The following DARS1 variants were observed in gnomAD, a reference collection of about 807,000 sequenced individuals.
DARS1 encodes the protein aspartyl-tRNA synthetase 1.
In DARS1, 51 loss-of-function variants were observed where a neutral mutation model predicts 68.8. The observed-to-expected ratio is 0.74, with a 90% CI of 0.59 to 0.94. The LOEUF (loss-of-function observed/expected upper bound fraction) is 0.94. Ranked by LOEUF, DARS1 falls within the 40% of genes least tolerant of loss-of-function variation. The pLI is 0.00. For missense variants in DARS1, 607 were observed against 597.3 expected (o/e 1.02, Z -0.17); for synonymous variants, 203 against 190.4 (o/e 1.07, Z -0.55).
chr2:135,966,644 G>T (rs1385746460), intron 3 of DARS1, among the ~76,000 whole-genome samples: 1 of 152,128 alleles, frequency 6.6e-6, no homozygotes, highest in Non-Finnish European at 1.5e-5. Context: ...TGATTCTCCT[G>T]CCTCAGTCTC....
At chr2:135,968,322 T>A (rs1359039538) in intron 3 of DARS1, among the ~76,000 whole-genome samples, 2 of 152,222 alleles carry the variant, frequency 1.3e-5, no homozygotes, top group Non-Finnish European at 2.9e-5. Context: ...CAATCACTGC[T>A]GACAAGTGTC....
chr2:135,907,490 G>A (rs971313249), intron 15 of DARS1, 83 bp from the exon 16 acceptor site: 16 of 863,888 alleles, frequency 1.9e-5, no homozygotes, highest in Admixed American at 2.6e-5. Context: ...AAATGTAATC[G>A]TTAAACTAAA....
In DARS1 at chr2:135,985,566, C is replaced by G. The variant is rs1682766578; in HGVS notation, c.-98G>C. On this transcript the variant is annotated 5_prime_UTR_variant, in exon 1 of 16. Coordinates refer to ENST00000264161, the MANE Select transcript of DARS1 (RefSeq NM_001349.4). ...CCCTCCCTCCCAGTCTCCGCCCTCCCGACCCTGGGGTCTCAGCACACGCGC... is the reference window on the plus strand; with the variant it reads ...CCCTCCCTCCCAGTCTCCGCCCTCCGGACCCTGGGGTCTCAGCACACGCGC... 1.9e-6 allele frequency: 3 copies of G among 1,592,698 alleles called. No homozygotes were observed. The South Asian group carries it at 3.4e-5, about 18-fold the overall frequency.
In DARS1 at chr2:135,907,242, C is replaced by CTTCTT; in HGVS notation, c.*73_*74insAAGAA. ...TACTGAAAAGAATAAGTGTGGCTTT[C>CTTCTT]TTTTTTTTTTTTTTTTTTTGAGGCA... On this transcript the variant is annotated 3_prime_UTR_variant, in exon 16 of 16. Coordinates refer to ENST00000264161, the MANE Select transcript of DARS1 (RefSeq NM_001349.4). The CTTCTT allele has an allele frequency of 2.2e-6, 1 of 450,624 alleles. No individual in the cohort carries two copies. The highest frequency in any genetic ancestry group is 3.5e-6 in the Non-Finnish European group (1 of 286,094). The allele number at this position is 450,624 out of a possible 1,614,324, so 27.9% of individuals were successfully genotyped here.
chr2:135,936,725 G>A (rs1244820419), intron 5 of DARS1, among the ~76,000 whole-genome samples: 1 of 152,192 alleles, frequency 6.6e-6, no homozygotes, highest in East Asian at 1.9e-4. Flanking sequence ...GTTTCAAGAT[G>A]AGACTTACAC....
Position 135,934,009 on chromosome 2 carries a change from C to CA in DARS1, c.424-20dup, listed in dbSNP as rs1245825855. The CA allele has an allele frequency of 1.2e-6, 2 of 1,604,398 alleles. No homozygotes were observed. Among genetic ancestry groups the CA allele is most frequent in the East Asian group, 4.5e-5 (2 of 44,704 alleles). ...CATAAATCTGTAAGTGAGAGATTAC[C>CA]AAAAATAGTAGAAAGCACACAAAAT... On this transcript the variant is annotated intron_variant, in intron 5 of 15. Transcript: ENST00000264161.
At chr2:135,974,924 A>G (rs1014267409) in intron 3 of DARS1, among the ~76,000 whole-genome samples, 2 of 152,240 alleles carry the variant, frequency 1.3e-5, no homozygotes, top group African/African-American at 4.8e-5. Flanking sequence ...AAAGAAGTTT[A>G]ATCTAACCAA....
intron 3 of DARS1, among the ~76,000 whole-genome samples, chr2:135,971,098 G>A (rs1682358401): frequency 6.6e-6 from 1 of 152,008 alleles, no homozygotes; most frequent in Non-Finnish European, 1.5e-5. Flanking sequence ...CATTCTAAGA[G>A]GCCAGTATTA....
chr2:135,916,338 A>G lies in DARS1; in HGVS notation c.994T>C (p.Phe332Leu). The change falls in exon 11 of 16, where the codon TTC becomes CTC. Residue 332 changes from phenylalanine (F) to leucine (L), a missense_variant. Coordinates refer to ENST00000264161, the MANE Select transcript of DARS1 (RefSeq NM_001349.4). ...AAAAATTTGAATGGCTCACATGGGAACTGTTTATTCACTGTTTGAATTTCA... is the reference window on the plus strand; with the variant it reads ...AAAAATTTGAATGGCTCACATGGGAGCTGTTTATTCACTGTTTGAATTTCA... ...QTEIQTVNKQ[F>L]PCEPFKFLEP... 1 of 1,506,916 alleles carries G rather than the reference A, an allele frequency of 6.6e-7. No homozygotes were observed. The highest frequency in any genetic ancestry group is 9.2e-7 in the Non-Finnish European group (1 of 1,082,122). The allele number at this position is 1,506,916 out of a possible 1,614,324, so 93.3% of individuals were successfully genotyped here.
chr2:135,984,003 G>A lies in DARS1; in HGVS notation c.67-549C>T, dbSNP rs140462164. On this transcript the variant is annotated intron_variant, in intron 1 of 15. Transcript: ENST00000264161. The stretch of plus-strand genomic sequence containing the variant: ...TCATCAAAAAATTCACCAGCTTCCT[G>A]TTTCTAAAAACCAGATTCAGGATAC... 8.7e-4 allele frequency among the ~76,000 whole-genome samples: 133 copies of A among 152,274 alleles called. 1 individual carries two copies. The highest frequency in any genetic ancestry group is 6.8e-3 in the Middle Eastern group (2 of 294).
intron 3 of DARS1, among the ~76,000 whole-genome samples, chr2:135,976,673 T>C (rs1268259640): frequency 6.6e-6 from 1 of 151,908 alleles, no homozygotes; most frequent in African/African-American, 2.4e-5. Flanking sequence ...ATGTGCAATG[T>C]TTCAAAATCC....
Position 135,922,870 on chromosome 2 carries a change from T to C in DARS1, c.725A>G (p.Asn242Ser). 1.3e-6 allele frequency: 2 copies of C among 1,585,290 alleles called. No homozygotes were observed. Among genetic ancestry groups the C allele is most frequent in the African/African-American group, 1.4e-5 (1 of 73,694 alleles). The change falls in exon 9 of 16, where the codon AAT becomes AGT. Residue 242 changes from asparagine to serine, a missense_variant. Coordinates refer to ENST00000264161, the MANE Select transcript of DARS1 (RefSeq NM_001349.4). ...ANVFTVSYFK[N>S]NAYLAQSPQL... is the part of the protein sequence containing the mutation. ...TGGGGACTGAGCCAGGTATGCATTA[T>C]TTTTAAAATATGACACAGTAAAAAC...
intron 5 of DARS1, among the ~76,000 whole-genome samples, chr2:135,942,066 C>G (rs1209450818): frequency 2.6e-5 from 4 of 152,138 alleles, no homozygotes; most frequent in Non-Finnish European, 5.9e-5. Context: ...GGACTGTAAA[C>G]GAGTTCAACC....
rs918555515 is a variant in DARS1, at chr2:135,914,824, C to T, written c.1107-313G>A. 28 of 218,650 alleles carry T rather than the reference C, an allele frequency of 1.3e-4. 1 individual carries two copies. In the South Asian group the frequency reaches 2.4e-3, roughly 18 times the overall value. 13.5% of individuals were successfully genotyped at this position (218,650 alleles called of 1,614,324 possible). A position where few individuals can be genotyped will look rare whatever the true frequency, so the allele number is the denominator to read the frequency against. ...CCTACAATTACACATAATAAAAGTT[C>T]GCTATACTAATATGGGCTAGTCTTG... On this transcript the variant is annotated intron_variant, in intron 11 of 15. Transcript: ENST00000264161.
intron 7 of DARS1, among the ~76,000 whole-genome samples, chr2:135,928,734 G>C (rs185753243): frequency 1.4e-5 from 2 of 147,922 alleles, no homozygotes; most frequent in African/African-American, 5.0e-5. Flanking sequence ...GCAATGGCGT[G>C]ATCTTGGATC....
chr2:135,915,205 C>G (rs309170), intron 11 of DARS1, among the ~76,000 whole-genome samples: 3 of 151,854 alleles, frequency 2.0e-5, no homozygotes, highest in Non-Finnish European at 4.4e-5. Flanking sequence ...CCTAAATACA[C>G]ATGTATTGTG....
At chr2:135,908,832 G>A (rs150756394) in intron 15 of DARS1, among the ~76,000 whole-genome samples, 2,125 of 152,154 alleles carry the variant, frequency 0.014, 43 homozygotes, top group African/African-American at 0.038. Context: ...ATACATGCAC[G>A]TGTATGTTCA....
rs775290106 is a variant in DARS1 at position 135,943,491 on chromosome 2, A to C, written c.321-11T>G. ...CTCTCTTTGTTGATGCTGTCAAGAGAAAAAATTCCCAACTTGAATCATCTC... is the reference window on the plus strand; with the variant it reads ...CTCTCTTTGTTGATGCTGTCAAGAGCAAAAATTCCCAACTTGAATCATCTC... On this transcript the variant is annotated splice_polypyrimidine_tract_variant and intron_variant, in intron 4 of 15. Coordinates refer to ENST00000264161, the MANE Select transcript of DARS1 (RefSeq NM_001349.4). 6.2e-7 allele frequency: 1 copy of C among 1,609,566 alleles called. No individual in the cohort carries two copies. Among genetic ancestry groups the C allele is most frequent in the Non-Finnish European group, 8.5e-7 (1 of 1,178,756 alleles).
chr2:135,937,346 G>A (rs980952830), intron 5 of DARS1, among the ~76,000 whole-genome samples: 5 of 151,814 alleles, frequency 3.3e-5, no homozygotes, highest in African/African-American at 9.7e-5. Flanking sequence ...GGTATTTTAA[G>A]TCAATGATAA....
Sources: allele counts gnomAD v4.1 joint callset (sites outside exome capture counted in the v4.1 genomes callset), GRCh38; gene constraint gnomAD v4.1.1; transcripts MANE v1.5; gene names NCBI Gene and HGNC (gene_info 2026-07-23, HGNC 2026-07-21).